The following ARHGAP15 variants were observed in gnomAD, a reference collection of about 807,000 sequenced individuals.
ARHGAP15 encodes the protein rho GTPase-activating protein 15.
ARHGAP15 carries 51 observed loss-of-function variants against 63.7 expected under a neutral mutation model. That is an observed-to-expected ratio of 0.80 (90% CI 0.64 to 1.01). The LOEUF (loss-of-function observed/expected upper bound fraction) is 1.01. Ranked by LOEUF, ARHGAP15 falls within the 50% of genes least tolerant of loss-of-function variation. ARHGAP15 has a pLI of 0.00. For missense variants in ARHGAP15, 560 were observed against 564.6 expected, an observed-to-expected ratio of 0.99 and a Z score of 0.08; for synonymous variants, 191 against 193.8, an observed-to-expected ratio of 0.99 and a Z score of 0.12.
intron 12 of ARHGAP15, among the ~76,000 whole-genome samples, chr2:143,641,998 A>C (rs557720729): frequency 9.3e-4 from 141 of 152,210 alleles, no homozygotes; most frequent in African/African-American, 3.3e-3. Context: ...TATATTATGA[A>C]ATACTAAGCA....
chr2:143,765,146 T>TGTGTGG (rs1491030307), intron 13 of ARHGAP15, among the ~76,000 whole-genome samples: 1 of 147,194 alleles, frequency 6.8e-6, no homozygotes, highest in African/African-American at 2.5e-5. Flanking sequence ...TGTGTGTGTG[T>TGTGTGG]GGTAAAATTA....
At chr2:143,555,054 T>C (rs575374964) in intron 10 of ARHGAP15, among the ~76,000 whole-genome samples, 1 of 152,272 alleles carries the variant, frequency 6.6e-6, no homozygotes, top group East Asian at 1.9e-4. Context: ...TTCCATTTTA[T>C]TGCAATTATC....
chr2:143,731,333 C>T (rs1685527305), intron 13 of ARHGAP15, among the ~76,000 whole-genome samples: 1 of 152,178 alleles, frequency 6.6e-6, no homozygotes, highest in Admixed American at 6.5e-5. Flanking sequence ...GTAATTCCAT[C>T]ACAGAGATTC....
intron 12 of ARHGAP15, among the ~76,000 whole-genome samples, chr2:143,638,215 G>A (rs1315818219): frequency 7.7e-5 from 11 of 143,732 alleles, no homozygotes; most frequent in African/African-American, 1.0e-4. Context: ...TGTTTATTGC[G>A]GCACTATTCA....
intron 9 of ARHGAP15, among the ~76,000 whole-genome samples, chr2:143,501,820 A>G (rs1693077995): frequency 6.6e-6 from 1 of 152,200 alleles, no homozygotes. Flanking sequence ...GCAGTATAGG[A>G]ATATAAATAT....
intron 11 of ARHGAP15, among the ~76,000 whole-genome samples, chr2:143,622,442 C>T (rs1387806363): frequency 6.6e-6 from 1 of 152,094 alleles, no homozygotes; most frequent in Non-Finnish European, 1.5e-5. Flanking sequence ...CAGTAAACCC[C>T]ATCAGGTCTC....
At chr2:143,285,764 A>G (rs1268029616) in intron 6 of ARHGAP15, among the ~76,000 whole-genome samples, 1 of 152,216 alleles carries the variant, frequency 6.6e-6, no homozygotes, top group Non-Finnish European at 1.5e-5. Flanking sequence ...TGAGATCTAC[A>G]TATTCCATAC....
intron 10 of ARHGAP15, among the ~76,000 whole-genome samples, chr2:143,534,296 G>C (rs1235807520): frequency 2.0e-5 from 3 of 152,046 alleles, no homozygotes. Context: ...GTCTTCCGAG[G>C]CCTCTCCAGC....
In ARHGAP15 at chr2:143,694,651, T is replaced by A. The variant is rs1683764423; in HGVS notation, c.1139-8768T>A. Among the ~76,000 whole-genome samples the A allele has an allele frequency of 3.3e-5, 5 of 152,236 alleles. No individual in the cohort carries two copies. The South Asian group carries it at 1.0e-3, about 32-fold the overall frequency. On this transcript the variant is annotated intron_variant, in intron 12 of 13. Coordinates refer to ENST00000295095, the MANE Select transcript of ARHGAP15 (RefSeq NM_018460.4). ...TAGTCTCACAATTTAAAAAGCTGAA[T>A]CATAAAATTATTTTATAACCTATTT...
chr2:143,582,063 A>G (rs1469703652), intron 11 of ARHGAP15, among the ~76,000 whole-genome samples: 1 of 152,192 alleles, frequency 6.6e-6, no homozygotes, highest in African/African-American at 2.4e-5. Flanking sequence ...GTCTAATATT[A>G]GACGTGATAT....
At chr2:143,293,829 C>G (rs4589691) in intron 6 of ARHGAP15, among the ~76,000 whole-genome samples, 37,609 of 151,912 alleles carry the variant, frequency 0.25, 5,594 homozygotes, top group African/African-American at 0.41. Context: ...GTATCATTTG[C>G]TGACAAATGT....
intron 6 of ARHGAP15, among the ~76,000 whole-genome samples, chr2:143,250,951 C>T (rs1680130460): frequency 6.6e-6 from 1 of 151,928 alleles, no homozygotes; most frequent in Admixed American, 6.6e-5. Context: ...CTAAGACTCA[C>T]CAAGTATAAG....
intron 1 of ARHGAP15, among the ~76,000 whole-genome samples, chr2:143,146,507 G>A (rs938370030): frequency 5.3e-5 from 8 of 151,962 alleles, no homozygotes; most frequent in Admixed American, 5.3e-4. Context: ...GCTGTGCGGG[G>A]ATTCTGGAGT....
At chr2:143,140,821 A>G (rs1334119053) in intron 1 of ARHGAP15, among the ~76,000 whole-genome samples, 1 of 152,190 alleles carries the variant, frequency 6.6e-6, no homozygotes, top group Non-Finnish European at 1.5e-5. Context: ...AACAAGGTGC[A>G]GCAGAGGGGA....
At chr2:143,758,280 G>GTA (rs929475044) in intron 13 of ARHGAP15, among the ~76,000 whole-genome samples, 17 of 150,892 alleles carry the variant, frequency 1.1e-4, no homozygotes, top group Admixed American at 4.6e-4. Context: ...AAGTGTGTGT[G>GTA]TATATATATA....
chr2:143,712,777 C>T (rs1290526061), intron 13 of ARHGAP15, among the ~76,000 whole-genome samples: 1 of 148,584 alleles, frequency 6.7e-6, no homozygotes, highest in Non-Finnish European at 1.5e-5. Flanking sequence ...TGACCAGTTA[C>T]TGTTCTTACC....
intron 6 of ARHGAP15, among the ~76,000 whole-genome samples, chr2:143,406,232 G>C (rs890180780): frequency 6.6e-6 from 1 of 151,842 alleles, no homozygotes; most frequent in Non-Finnish European, 1.5e-5. Context: ...TATTTTGTAA[G>C]CTAATGTTGT....
intron 8 of ARHGAP15, among the ~76,000 whole-genome samples, chr2:143,476,514 A>G (rs146639044): frequency 5.9e-4 from 90 of 152,332 alleles, no homozygotes; most frequent in African/African-American, 2.0e-3. Context: ...CCCTATGCAT[A>G]TGTGTGTGTG....
rs1330132760 is a variant in ARHGAP15 at position 143,148,868 on chromosome 2, G to C, written c.-14-6609G>C. ...AAAAGCCACAGGGAGAAAACAAAAG[G>C]AAAGTGAAATGGAAGGAAACTGAAA... On this transcript the variant is annotated intron_variant, in intron 1 of 13. Coordinates refer to ENST00000295095, the MANE Select transcript of ARHGAP15 (RefSeq NM_018460.4). Among the ~76,000 whole-genome samples, 15 of 152,028 alleles carry C rather than the reference G, an allele frequency of 9.9e-5. 1 individual carries two copies.
Sources: allele counts gnomAD v4.1 joint callset (sites outside exome capture counted in the v4.1 genomes callset), GRCh38; gene constraint gnomAD v4.1.1; transcripts MANE v1.5; gene names NCBI Gene and HGNC (gene_info 2026-07-23, HGNC 2026-07-21).